The following SPAG16 variants were observed in gnomAD, a reference collection of about 807,000 sequenced individuals.
The protein encoded by SPAG16 is sperm associated antigen 16.
SPAG16 carries 86 observed loss-of-function variants against 80.4 expected under a neutral mutation model. The observed-to-expected ratio is 1.07, with a 90% CI of 0.90 to 1.28. SPAG16 has a LOEUF of 1.28. Among genes scored for constraint, SPAG16 ranks in the 50% most tolerant of loss-of-function variants. SPAG16 has a pLI of 0.00. For missense variants in SPAG16, 870 were observed against 765.3 expected, an observed-to-expected ratio of 1.14 and a Z score of -1.61; for synonymous variants, 294 against 265.9, an observed-to-expected ratio of 1.11 and a Z score of -1.03.
chr2:213,500,292 G>C (rs1349574525), intron 10 of SPAG16, among the ~76,000 whole-genome samples: 1 of 152,086 alleles, frequency 6.6e-6, no homozygotes, highest in East Asian at 1.9e-4. Context: ...AGGCATTTCA[G>C]GTACATTTGA....
Position 213,786,078 on chromosome 2 carries a change from C to A in SPAG16, c.1071-76407C>A, listed in dbSNP as rs375748959. 4.0e-5 allele frequency among the ~76,000 whole-genome samples: 6 copies of A among 151,550 alleles called. No individual in the cohort carries two copies. The South Asian group carries it at 6.3e-4, about 16-fold the overall frequency. On this transcript the variant is annotated intron_variant, in intron 10 of 15. Transcript: ENST00000331683. Reference sequence around the variant, plus strand: ...TTTTTAGTTTTCTTTATTTCTATTTCATTAATGTGCTTGACTATTGATAGT... The same window carrying A: ...TTTTTAGTTTTCTTTATTTCTATTTAATTAATGTGCTTGACTATTGATAGT...
rs140312966 is a variant in SPAG16, at chr2:213,908,577, C to T, written c.1215-21383C>T. Among the ~76,000 whole-genome samples, 215 of 152,188 alleles carry T rather than the reference C, an allele frequency of 1.4e-3. 1 individual carries two copies. Among genetic ancestry groups the T allele is most frequent in the Non-Finnish European group, 2.5e-3 (172 of 68,006 alleles). On this transcript the variant is annotated intron_variant, in intron 11 of 15. Coordinates refer to ENST00000331683, the MANE Select transcript of SPAG16 (RefSeq NM_024532.5). ...AACGCTGAAATCTACCTCTCTCATT[C>T]GACGAGAATTCATAATACCTATATA...
intron 9 of SPAG16, among the ~76,000 whole-genome samples, chr2:213,433,915 C>CTTTTTTTT (rs33989475): frequency 1.2e-5 from 1 of 85,008 alleles, no homozygotes; most frequent in African/African-American, 4.3e-5. Flanking sequence ...TTTTCTTTGT[C>CTTTTTTTT]TTTTTTTTTT....
rs1169538627 is a variant in SPAG16 at position 213,321,710 on chromosome 2, C to T, written c.536+4354C>T. ...TTTTAGACTATAGGTTTTCTCTGTA[C>T]CTGCTATAAATATAGATTATCTGTC... On this transcript the variant is annotated intron_variant, in intron 5 of 15. Coordinates refer to ENST00000331683, the MANE Select transcript of SPAG16 (RefSeq NM_024532.5). Among the ~76,000 whole-genome samples the T allele has an allele frequency of 1.1e-4, 16 of 152,140 alleles. No homozygotes were observed. The East Asian group carries it at 3.1e-3, about 29-fold the overall frequency.
intron 15 of SPAG16, among the ~76,000 whole-genome samples, chr2:214,201,066 A>G (rs1413236659): frequency 6.6e-6 from 1 of 152,178 alleles, no homozygotes; most frequent in East Asian, 1.9e-4. Flanking sequence ...TGGTGTCAAT[A>G]TCAAAGGGAC....
intron 4 of SPAG16, among the ~76,000 whole-genome samples, chr2:213,313,893 C>A (rs2063301949): frequency 6.6e-6 from 1 of 151,642 alleles, no homozygotes; most frequent in Admixed American, 6.6e-5. Context: ...AATGTATTTC[C>A]CTAAATCTTT....
chr2:213,755,160 G>A (rs112539865), intron 10 of SPAG16, among the ~76,000 whole-genome samples: 181 of 152,248 alleles, frequency 1.2e-3, no homozygotes, highest in Admixed American at 1.9e-3. Context: ...TGCAGGTTCA[G>A]TGTATTTTTT....
chr2:213,589,608 C>T (rs1044211920), intron 10 of SPAG16, among the ~76,000 whole-genome samples: 7 of 152,032 alleles, frequency 4.6e-5, no homozygotes, highest in African/African-American at 1.4e-4. Context: ...AGAACGCCAC[C>T]GCAGCTTCAC....
intron 10 of SPAG16, among the ~76,000 whole-genome samples, chr2:213,512,694 C>T (rs2075274308): frequency 6.6e-6 from 1 of 152,148 alleles, no homozygotes; most frequent in Non-Finnish European, 1.5e-5. Flanking sequence ...AGCAGTTTCA[C>T]CAAACACTGC....
intron 12 of SPAG16, among the ~76,000 whole-genome samples, chr2:213,949,134 A>C (rs921871060): frequency 6.9e-6 from 1 of 145,474 alleles, no homozygotes; most frequent in Non-Finnish European, 1.5e-5. Context: ...GTTATTTATC[A>C]TTTTAAGGAG....
At chr2:213,480,857 T>G (rs1286888289) in intron 9 of SPAG16, among the ~76,000 whole-genome samples, 1 of 152,228 alleles carries the variant, frequency 6.6e-6, no homozygotes, top group African/African-American at 2.4e-5. Context: ...CAGATGTTTT[T>G]TATTATTACA....
At chr2:214,384,337 C>T (rs577644426) in intron 15 of SPAG16, among the ~76,000 whole-genome samples, 2 of 152,202 alleles carry the variant, frequency 1.3e-5, no homozygotes, top group African/African-American at 4.8e-5. Flanking sequence ...TTATTAGCAC[C>T]CATTTTTCCC....
At chr2:214,336,857 T>C (rs1697324022) in intron 15 of SPAG16, among the ~76,000 whole-genome samples, 1 of 137,718 alleles carries the variant, frequency 7.3e-6, no homozygotes, top group Non-Finnish European at 1.6e-5. Flanking sequence ...GAGAAAGTTT[T>C]TATAAATATT....
chr2:213,340,178 T>C lies in SPAG16; in HGVS notation c.552T>C (p.Asp184=). Residue 184 remains aspartate (D), a synonymous_variant, in exon 6 of 16, where the codon GAT becomes GAC. Coordinates refer to ENST00000331683, the MANE Select transcript of SPAG16 (RefSeq NM_024532.5). The stretch of plus-strand genomic sequence containing the variant: ...TTTTTTTCAGCAAAGCTAGAGAAGA[T>C]TTGCTGAAAATTCAGAAAGAACGTG... The part of the protein sequence containing the change: ...YKQAADKARE[D]LLKIQKERDF... 1 of 1,610,094 alleles carries C rather than the reference T, an allele frequency of 6.2e-7. No individual in the cohort carries two copies. The highest frequency in any genetic ancestry group is 8.5e-7 in the Non-Finnish European group (1 of 1,178,362).
intron 10 of SPAG16, among the ~76,000 whole-genome samples, chr2:213,859,178 C>CA (rs1165853142): frequency 0.12 from 1,098 of 9,368 alleles, 433 homozygotes; most frequent in Non-Finnish European, 0.15. Context: ...CACTCCGTCT[C>CA]AAAAAAAAAA....
rs769147418 is a variant in SPAG16, at chr2:213,317,202, G to T, written c.399-17G>T. 1 of 1,519,286 alleles carries T rather than the reference G, an allele frequency of 6.6e-7. No individual in the cohort carries two copies. The highest frequency in any genetic ancestry group is 8.9e-7 in the Non-Finnish European group (1 of 1,122,332). The allele number at this position is 1,519,286 out of a possible 1,614,324, so 94.1% of individuals were successfully genotyped here. A position where few individuals can be genotyped will look rare whatever the true frequency, so the allele number is the denominator to read the frequency against. On this transcript the variant is annotated splice_polypyrimidine_tract_variant and intron_variant, in intron 4 of 15. Transcript: ENST00000331683. ...AGAAAGAAATGATATAAACCCTTTT[G>T]TTTGATTTTATCCTAGGTATGAGTT... is the stretch of plus-strand genomic sequence containing the variant.
chr2:213,361,547 G>T (rs72939007), intron 7 of SPAG16, among the ~76,000 whole-genome samples: 23,920 of 151,228 alleles, frequency 0.16, 2,492 homozygotes, highest in East Asian at 0.46. Context: ...AGGAAACAGG[G>T]TTCTTTGGAG....
intron 12 of SPAG16, among the ~76,000 whole-genome samples, chr2:214,011,251 TTAAAAAATGTTCA>T (rs1308168850): frequency 6.8e-6 from 1 of 146,236 alleles, no homozygotes; most frequent in Non-Finnish European, 1.5e-5. Context: ...GAATAGAAAC[TTAAAAAATGTTCA>T]TACTTACATT....
chr2:213,599,874 G>A (rs1043531662), intron 10 of SPAG16, among the ~76,000 whole-genome samples: 2 of 152,032 alleles, frequency 1.3e-5, no homozygotes, highest in African/African-American at 4.8e-5. Flanking sequence ...GCTAATTTTT[G>A]TATTTTTAGT....
Sources: gnomAD v4.1 joint callset for allele counts (sites outside exome capture counted in the v4.1 genomes callset) on GRCh38, gnomAD v4.1.1 for gene constraint, MANE v1.5 for transcripts, NCBI Gene and HGNC (gene_info 2026-07-23, HGNC 2026-07-21) for gene names.